The following UNC5D variants were observed in gnomAD, a reference collection of about 807,000 sequenced individuals.
The protein encoded by UNC5D is unc-5 netrin receptor D, also known as netrin receptor UNC5D.
In UNC5D, 39 loss-of-function variants were observed where a neutral mutation model predicts 105.4. The ratio of observed to expected loss-of-function variants is 0.37; its 90% CI spans 0.29 to 0.48. The LOEUF (loss-of-function observed/expected upper bound fraction) is 0.48. UNC5D is among the 20% of genes least tolerant of loss of function. The pLI is 0.98. For missense variants in UNC5D, 991 were observed against 1,202.4 expected (o/e 0.82, Z 2.60); for synonymous variants, 452 against 450.4 (o/e 1.00, Z -0.04).
chr8:35,654,623 GT>G (rs1358061267), intron 4 of UNC5D, among the ~76,000 whole-genome samples: 2 of 150,538 alleles, frequency 1.3e-5, no homozygotes, highest in Admixed American at 6.6e-5. Flanking sequence ...AAAGTTGTTG[GT>G]TTTTTTTTCT....
chr8:35,696,492 A>G (rs1428973018), intron 7 of UNC5D, among the ~76,000 whole-genome samples: 2 of 152,088 alleles, frequency 1.3e-5, no homozygotes, highest in African/African-American at 4.8e-5. Context: ...AGTCTGGACT[A>G]GAGAAAGATT....
chr8:35,300,446 CAAAAAAAAAAAA>C (rs752599540), intron 1 of UNC5D, among the ~76,000 whole-genome samples: 1 of 58,400 alleles, frequency 1.7e-5, no homozygotes, highest in South Asian at 6.8e-4. Flanking sequence ...GACTCCCTCT[CAAAAAAAAAAAA>C]AAAAAAAAAA....
intron 3 of UNC5D, among the ~76,000 whole-genome samples, chr8:35,591,226 A>G (rs1819151675): frequency 6.6e-6 from 1 of 152,038 alleles, no homozygotes; most frequent in Admixed American, 6.6e-5. Context: ...CTTGTTTGCA[A>G]ATAAAAAATT....
chr8:35,650,813 A>G (rs544227774), intron 4 of UNC5D, among the ~76,000 whole-genome samples: 1 of 152,306 alleles, frequency 6.6e-6, no homozygotes, highest in East Asian at 1.9e-4. Flanking sequence ...GCCAGTACAG[A>G]GAAGGCAGGG....
chr8:35,385,096 A>G (rs1015312257), intron 1 of UNC5D, among the ~76,000 whole-genome samples: 18 of 152,304 alleles, frequency 1.2e-4, no homozygotes, highest in Non-Finnish European at 1.8e-4. Flanking sequence ...TTCCTTAGTG[A>G]AGTTTTCTTG....
intron 1 of UNC5D, among the ~76,000 whole-genome samples, chr8:35,324,847 G>A (rs1585586427): frequency 6.6e-6 from 1 of 152,160 alleles, no homozygotes; most frequent in Admixed American, 6.5e-5. Context: ...ACAGGATTTT[G>A]TGAGGCAGGC....
intron 11 of UNC5D, among the ~76,000 whole-genome samples, chr8:35,748,239 C>T (rs1830099006): frequency 1.3e-5 from 2 of 152,136 alleles, no homozygotes. Flanking sequence ...ACCCACCAGC[C>T]AGGTCTTTGC....
intron 3 of UNC5D, among the ~76,000 whole-genome samples, chr8:35,585,812 T>A (rs1041363420): frequency 6.6e-6 from 1 of 151,882 alleles, no homozygotes; most frequent in Non-Finnish European, 1.5e-5. Context: ...CACATATATA[T>A]GTATATGTTC....
chr8:35,542,997 A>G (rs1815381411), intron 1 of UNC5D, among the ~76,000 whole-genome samples: 2 of 152,224 alleles, frequency 1.3e-5, no homozygotes, highest in African/African-American at 4.8e-5. Context: ...TTAACATCAC[A>G]AAACACCAAC....
intron 8 of UNC5D, among the ~76,000 whole-genome samples, chr8:35,713,330 T>C (rs893721316): frequency 1.7e-4 from 26 of 152,202 alleles, no homozygotes; most frequent in Non-Finnish European, 3.5e-4. Context: ...AGAGTTTATA[T>C]CTTCAGTTTT....
intron 1 of UNC5D, among the ~76,000 whole-genome samples, chr8:35,410,096 T>C (rs556379081): frequency 2.0e-5 from 3 of 152,064 alleles, no homozygotes; most frequent in South Asian, 4.1e-4. Context: ...CCACTTTACG[T>C]CTTGGATATA....
chr8:35,406,739 C>G (rs942311804), intron 1 of UNC5D, among the ~76,000 whole-genome samples: 1 of 152,124 alleles, frequency 6.6e-6, no homozygotes, highest in East Asian at 1.9e-4. Flanking sequence ...ATTTAGGAAG[C>G]TGAAGTCTAA....
chr8:35,752,789 C>G (rs2131649425), intron 13 of UNC5D, among the ~76,000 whole-genome samples: 1 of 152,274 alleles, frequency 6.6e-6, no homozygotes, highest in South Asian at 2.1e-4. Context: ...TACCATGACT[C>G]AAGTTGGATG....
At chr8:35,386,030 A>G (rs1364192980) in intron 1 of UNC5D, among the ~76,000 whole-genome samples, 2 of 152,230 alleles carry the variant, frequency 1.3e-5, no homozygotes, top group Non-Finnish European at 2.9e-5. Flanking sequence ...TGTCCATAGC[A>G]TGAAATAATT....
chr8:35,295,914 A>C (rs1373387400), intron 1 of UNC5D, among the ~76,000 whole-genome samples: 2 of 152,126 alleles, frequency 1.3e-5, no homozygotes, highest in Admixed American at 6.6e-5. Context: ...TGTAAGTAGG[A>C]TCATACAGTA....
chr8:35,315,928 T>C (rs973080677), intron 1 of UNC5D, among the ~76,000 whole-genome samples: 5 of 152,116 alleles, frequency 3.3e-5, no homozygotes, highest in Admixed American at 6.6e-5. Flanking sequence ...TTGTAAGAAG[T>C]TGGGATTTTA....
At chr8:35,522,743 T>A (rs1404983194) in intron 1 of UNC5D, among the ~76,000 whole-genome samples, 1 of 152,222 alleles carries the variant, frequency 6.6e-6, no homozygotes, top group African/African-American at 2.4e-5. Flanking sequence ...AACTGGATGA[T>A]CTCTACTATC....
chr8:35,647,651 T>TAC (rs1823140485), intron 4 of UNC5D, among the ~76,000 whole-genome samples: 1 of 152,174 alleles, frequency 6.6e-6, no homozygotes, highest in Non-Finnish European at 1.5e-5. Context: ...TCTTAGCAGA[T>TAC]AACACAAAAA....
intron 1 of UNC5D, among the ~76,000 whole-genome samples, chr8:35,357,789 A>T (rs1022216115): frequency 9.9e-5 from 15 of 152,280 alleles, no homozygotes; most frequent in African/African-American, 3.1e-4. Flanking sequence ...TGATGGTATG[A>T]TCCTCTGGGT....
Sources: gnomAD v4.1 joint callset for allele counts (sites outside exome capture counted in the v4.1 genomes callset) on GRCh38, gnomAD v4.1.1 for gene constraint, MANE v1.5 for transcripts, NCBI Gene and HGNC (gene_info 2026-07-23, HGNC 2026-07-21) for gene names.